The following ATG7 variants were observed in gnomAD, a reference collection of about 807,000 sequenced individuals.
ATG7 encodes autophagy related 7.
A neutral mutation model predicts 82.4 loss-of-function variants in ATG7; 70 were observed. The ratio of observed to expected loss-of-function variants is 0.85; its 90% CI spans 0.70 to 1.04. ATG7 has a LOEUF of 1.04. Ranked by LOEUF, ATG7 falls within the 50% of genes least tolerant of loss-of-function variation. The probability of loss-of-function intolerance (pLI) is 0.00; values close to 1 mark genes in which losing one functional copy is unlikely to be tolerated. For missense variants in ATG7, 792 were observed against 864.3 expected (o/e 0.92, Z 1.05); for synonymous variants, 287 against 313.0 (o/e 0.92, Z 0.88).
intron 20 of ATG7, among the ~76,000 whole-genome samples, chr3:11,428,465 C>G (rs1216319853): frequency 6.6e-6 from 1 of 152,200 alleles, no homozygotes; most frequent in African/African-American, 2.4e-5. Context: ...GAAGGCAGTC[C>G]TTCTTTAAAT....
chr3:11,339,261 A>C (rs1575554673), intron 11 of ATG7, among the ~76,000 whole-genome samples: 1 of 146,148 alleles, frequency 6.8e-6, no homozygotes, highest in East Asian at 2.0e-4. Context: ...GCGCCACTGC[A>C]CTCCAGCCTG....
Position 11,345,363 on chromosome 3 carries a change from A to G in ATG7, c.1126-2514A>G, listed in dbSNP as rs570257317. ...GGTGGAGCTTGCAGTGAGCGGAGAT[A>G]GCGCCACTGCACTCCAGCCTGGGTG... On this transcript the variant is annotated intron_variant, in intron 13 of 20. Coordinates refer to ENST00000693202, the MANE Select transcript of ATG7 (RefSeq NM_001349232.2). Among the ~76,000 whole-genome samples the G allele has an allele frequency of 1.2e-4, 19 of 152,152 alleles. No individual in the cohort carries two copies. In the South Asian group the frequency reaches 3.5e-3, roughly 28 times the overall value.
At chr3:11,370,463 G>C (rs1306141385) in intron 18 of ATG7, among the ~76,000 whole-genome samples, 1 of 151,182 alleles carries the variant, frequency 6.6e-6, no homozygotes, top group Non-Finnish European at 1.5e-5. Context: ...ACTTGATTAA[G>C]ACTCTTTTCA....
chr3:11,531,184 G>A (rs374825239), intron 20 of ATG7, among the ~76,000 whole-genome samples: 2 of 152,116 alleles, frequency 1.3e-5, no homozygotes, highest in Non-Finnish European at 2.9e-5. Flanking sequence ...CTAAAACCCC[G>A]TTGTTCTGCC....
chr3:11,322,649 A>G (rs1327207281), intron 9 of ATG7, among the ~76,000 whole-genome samples: 2 of 152,208 alleles, frequency 1.3e-5, no homozygotes, highest in Non-Finnish European at 2.9e-5. Flanking sequence ...GATGTATGAT[A>G]GTATTTTTAC....
intron 20 of ATG7, among the ~76,000 whole-genome samples, chr3:11,504,050 T>C (rs1267270172): frequency 1.3e-5 from 2 of 152,106 alleles, no homozygotes; most frequent in African/African-American, 4.8e-5. Context: ...ATGTCTCCAT[T>C]GAGAGAGTCT....
intron 20 of ATG7, among the ~76,000 whole-genome samples, chr3:11,515,348 G>C (rs2092243454): frequency 6.6e-6 from 1 of 151,692 alleles, no homozygotes; most frequent in Admixed American, 6.6e-5. Flanking sequence ...CTGTTGCCTA[G>C]GCTGGAGTGC....
chr3:11,544,474 G>C (rs1471042873), intron 20 of ATG7, among the ~76,000 whole-genome samples: 1 of 152,238 alleles, frequency 6.6e-6, no homozygotes, highest in East Asian at 1.9e-4. Context: ...ACCGCTGTGT[G>C]TCCCTGTGGC....
chr3:11,543,845 A>AG (rs760972999), intron 20 of ATG7, among the ~76,000 whole-genome samples: 3 of 151,270 alleles, frequency 2.0e-5, no homozygotes, highest in Non-Finnish European at 2.9e-5. Context: ...TGGGGACGGG[A>AG]GGGGGAGGAC....
At chr3:11,404,964 C>T (rs2080192412) in intron 19 of ATG7, among the ~76,000 whole-genome samples, 1 of 152,086 alleles carries the variant, frequency 6.6e-6, no homozygotes. Flanking sequence ...GGGACACAGC[C>T]AAATCATATC....
At chr3:11,317,442 C>G (rs1477147750) in intron 9 of ATG7, among the ~76,000 whole-genome samples, 2 of 152,148 alleles carry the variant, frequency 1.3e-5, no homozygotes, top group Non-Finnish European at 2.9e-5. Context: ...CTTTCACATA[C>G]TTGATCTTTT....
intron 7 of ATG7, among the ~76,000 whole-genome samples, chr3:11,310,878 C>T (rs533104527): frequency 1.1e-4 from 16 of 152,154 alleles, no homozygotes; most frequent in African/African-American, 2.4e-4. Context: ...GTGATCCGCC[C>T]GCCTCGGCCT....
intron 20 of ATG7, among the ~76,000 whole-genome samples, chr3:11,437,184 G>C (rs1028495932): frequency 1.3e-5 from 2 of 152,144 alleles, no homozygotes; most frequent in African/African-American, 2.4e-5. Flanking sequence ...TTCTCTCTGT[G>C]ACAGGCTGTC....
chr3:11,481,736 G>A (rs978026152), intron 20 of ATG7, among the ~76,000 whole-genome samples: 6 of 152,176 alleles, frequency 3.9e-5, no homozygotes, highest in African/African-American at 7.2e-5. Flanking sequence ...CTTGAGACTT[G>A]GTGAAGTGGA....
chr3:11,417,608 G>C (rs2081478989), intron 19 of ATG7, among the ~76,000 whole-genome samples: 3 of 151,354 alleles, frequency 2.0e-5, no homozygotes, highest in Admixed American at 2.0e-4. Context: ...TTTATTTCTT[G>C]TTCCATTATA....
At chr3:11,514,419 A>G (rs1271426575) in intron 20 of ATG7, among the ~76,000 whole-genome samples, 4 of 152,136 alleles carry the variant, frequency 2.6e-5, no homozygotes, top group African/African-American at 9.7e-5. Flanking sequence ...TGTGCTTAGG[A>G]CTCATTCCCC....
intron 20 of ATG7, among the ~76,000 whole-genome samples, chr3:11,441,341 T>C (rs1246954562): frequency 2.0e-5 from 3 of 151,966 alleles, no homozygotes; most frequent in African/African-American, 7.3e-5. Context: ...CCTCCAGGTC[T>C]AAGAAATTCT....
chr3:11,571,052 G>A, the ATG7 span, among the ~76,000 whole-genome samples: 5 of 152,164 alleles, frequency 3.3e-5, no homozygotes, highest in Admixed American at 6.5e-5. Flanking sequence ...CCGAGGTGGC[G>A]GAGGCTGAGG....
intron 19 of ATG7, among the ~76,000 whole-genome samples, chr3:11,413,812 C>T (rs895332999): frequency 1.3e-5 from 2 of 152,170 alleles, no homozygotes; most frequent in Non-Finnish European, 2.9e-5. Flanking sequence ...GGTACTAGTT[C>T]TTTAAATGTT....
Sources: gnomAD v4.1 joint callset for allele counts (sites outside exome capture counted in the v4.1 genomes callset) on GRCh38, gnomAD v4.1.1 for gene constraint, MANE v1.5 for transcripts, NCBI Gene and HGNC (gene_info 2026-07-23, HGNC 2026-07-21) for gene names.